The following ERICH3 variants were observed in gnomAD, a reference collection of about 807,000 sequenced individuals.
ERICH3 encodes glutamate-rich protein 3.
Under a neutral mutation model 131.1 loss-of-function variants are expected in ERICH3, and 126 were observed. The ratio of observed to expected loss-of-function variants is 0.96; its 90% CI spans 0.83 to 1.11. The LOEUF (loss-of-function observed/expected upper bound fraction) is 1.11. ERICH3 is among the 50% of genes most tolerant of loss of function. The probability of loss-of-function intolerance (pLI) is 0.00; values close to 1 mark genes in which losing one functional copy is unlikely to be tolerated. For missense variants in ERICH3, 2,050 were observed against 1,810.7 expected (o/e 1.13, Z -2.40); for synonymous variants, 695 against 644.6 (o/e 1.08, Z -1.18).
At chr1:74,634,777 A>C (rs950021196) in intron 6 of ERICH3, 2 of 652,726 alleles carry the variant, frequency 3.1e-6, no homozygotes, top group African/African-American at 3.7e-5. Flanking sequence ...TGGAGGATAC[A>C]GAGGATTTTA....
chr1:74,606,549 GACAA>G, intron 10 of ERICH3, 48 bp downstream of exon 10: 1 of 1,515,266 alleles, frequency 6.6e-7, no homozygotes, highest in Non-Finnish European at 8.9e-7. Context: ...ACATTTCAAA[GACAA>G]ACGAAACAGC....
chr1:74,633,895 C>A (rs183502937), intron 6 of ERICH3, among the ~76,000 whole-genome samples: 6 of 152,106 alleles, frequency 3.9e-5, no homozygotes, highest in Admixed American at 2.6e-4. Context: ...AACTCTCATT[C>A]TAACATCATT....
chr1:74,623,646 G>C (rs756028479), intron 7 of ERICH3: 1 of 152,046 alleles, frequency 6.6e-6, no homozygotes, highest in Non-Finnish European at 1.5e-5. Context: ...CTACGAATTA[G>C]TCTCCCCACT....
chr1:74,589,658 C>G lies in ERICH3; in HGVS notation c.2149G>C (p.Ala717Pro). The G allele has an allele frequency of 6.2e-7, 1 of 1,613,998 alleles. No individual in the cohort carries two copies. The highest frequency in any genetic ancestry group is 8.5e-7 in the Non-Finnish European group (1 of 1,179,932). ...ESTAQVKDKK[A>P]GLPGLEEGGK... is the part of the protein sequence containing the mutation. Reference sequence around the variant, plus strand: ...CCTTCCTCCAACCCAGGGAGACCTGCCTTTTTGTCCTTCACCTGAGCAGTG... The same window carrying G: ...CCTTCCTCCAACCCAGGGAGACCTGGCTTTTTGTCCTTCACCTGAGCAGTG... Residue 717 changes from alanine to proline, a missense_variant, in exon 12 of 15, where the codon GCA becomes CCA. Physicochemically the swap from Ala to Pro is conservative, Grantham distance 27. Transcript: ENST00000326665.
At chr1:74,671,720 A>G (rs1646745458) in intron 1 of ERICH3, among the ~76,000 whole-genome samples, 1 of 152,218 alleles carries the variant, frequency 6.6e-6, no homozygotes, top group African/African-American at 2.4e-5. Context: ...GGCACATCGT[A>G]TGCACATAAT....
chr1:74,613,301 A>C (rs1648792028), intron 8 of ERICH3, among the ~76,000 whole-genome samples: 1 of 152,292 alleles, frequency 6.6e-6, no homozygotes. Flanking sequence ...ATTATGCCTT[A>C]TTATCTTGTT....
chr1:74,606,390 C>T (rs1034776535), intron 10 of ERICH3, among the ~76,000 whole-genome samples: 3 of 151,968 alleles, frequency 2.0e-5, no homozygotes, highest in East Asian at 1.9e-4. Context: ...CAGCCAGAAC[C>T]TTTAACCTTT....
At chr1:74,662,087 C>T (rs143464242) in intron 1 of ERICH3, among the ~76,000 whole-genome samples, 2 of 152,284 alleles carry the variant, frequency 1.3e-5, no homozygotes, top group South Asian at 4.1e-4. Flanking sequence ...CTTTTAATCA[C>T]CCTGCCTGAG....
chr1:74,672,226 C>A, intron 1 of ERICH3, among the ~76,000 whole-genome samples: 1 of 152,198 alleles, frequency 6.6e-6, no homozygotes, highest in East Asian at 1.9e-4. Context: ...CTGCAAACAT[C>A]AGCTGCTGAA....
chr1:74,606,484 A>C, intron 10 of ERICH3, 117 bp downstream of exon 10: 1 of 1,076,614 alleles, frequency 9.3e-7, no homozygotes, highest in South Asian at 1.6e-5. Context: ...GGGGCACCCC[A>C]CATGTAACAC....
chr1:74,601,868 C>T (rs922047592), intron 10 of ERICH3, among the ~76,000 whole-genome samples: 3 of 151,878 alleles, frequency 2.0e-5, no homozygotes, highest in Admixed American at 6.6e-5. Context: ...GTTTCTCCAT[C>T]TGTAACATGG....
At chr1:74,603,529 T>C (rs1267497156) in intron 10 of ERICH3, among the ~76,000 whole-genome samples, 3 of 151,864 alleles carry the variant, frequency 2.0e-5, no homozygotes, top group Non-Finnish European at 4.4e-5. Context: ...TATACAGGCA[T>C]ACCTATATAC....
Position 74,620,748 on chromosome 1 carries a change from T to G in ERICH3, c.986A>C (p.Lys329Thr), listed in dbSNP as rs765935894. 4 of 1,604,234 alleles carry G rather than the reference T, an allele frequency of 2.5e-6. No individual in the cohort carries two copies. In the South Asian group the frequency reaches 4.5e-5, roughly 18 times the overall value. The change falls in exon 8 of 15, where the codon AAA becomes ACA. Residue 329 changes from lysine to threonine, a missense_variant. Transcript: ENST00000326665. ...TTTATGTGTACCTTTTTCAAGTAGT[T>G]TGCCTTTGTAGACACAAAGGTTTTC... ...GGENLCVYKG[K>T]LLEKETFQFI...
chr1:74,609,615 T>C (rs1648589652), intron 9 of ERICH3, among the ~76,000 whole-genome samples: 1 of 152,016 alleles, frequency 6.6e-6, no homozygotes, highest in African/African-American at 2.4e-5. Context: ...CCTAACCCTG[T>C]ACCATTTAAA....
chr1:74,666,211 T>C (rs948528712), intron 1 of ERICH3, among the ~76,000 whole-genome samples: 11 of 152,084 alleles, frequency 7.2e-5, no homozygotes, highest in Admixed American at 2.6e-4. Flanking sequence ...CACAGTAACC[T>C]GCTCATCGAC....
intron 1 of ERICH3, among the ~76,000 whole-genome samples, chr1:74,657,922 T>C (rs754328719): frequency 6.6e-6 from 1 of 152,134 alleles, no homozygotes; most frequent in South Asian, 2.1e-4. Flanking sequence ...AGGGAGATAA[T>C]GAGGCTGTTC....
At chr1:74,614,639 T>C (rs898214867) in intron 8 of ERICH3, among the ~76,000 whole-genome samples, 2 of 149,308 alleles carry the variant, frequency 1.3e-5, no homozygotes, top group African/African-American at 2.5e-5. Flanking sequence ...ATCACGCCAC[T>C]GAACTCCAGC....
At position 74,571,306 on chromosome 1, in the gene ERICH3, T is replaced by C. The variant is rs1480847290; in HGVS notation, c.4404A>G (p.Thr1468=). 3 of 1,613,972 alleles carry C rather than the reference T, an allele frequency of 1.9e-6. No homozygotes were observed. Among genetic ancestry groups the C allele is most frequent in the Non-Finnish European group, 2.5e-6 (3 of 1,180,012 alleles). The change falls in exon 14 of 15, where the codon ACA becomes ACG. Residue 1468 remains threonine (T), a synonymous_variant. Coordinates refer to ENST00000326665, the MANE Select transcript of ERICH3 (RefSeq NM_001002912.5). The part of the protein sequence containing the change: ...ATGSGDGRQE[T]GAAEKFRLGL... ...CTAATCGGAATTTTTCAGCTGCTCCTGTCTCCTGCCTCCCATCGCCACTCC... is the reference window on the plus strand; with the variant it reads ...CTAATCGGAATTTTTCAGCTGCTCCCGTCTCCTGCCTCCCATCGCCACTCC...
chr1:74,585,784 T>A (rs973467787), intron 12 of ERICH3, among the ~76,000 whole-genome samples: 1 of 152,136 alleles, frequency 6.6e-6, no homozygotes, highest in African/African-American at 2.4e-5. Context: ...TGATTTTATG[T>A]GGAATTTTCT....
Sources: gnomAD v4.1 joint callset for allele counts (sites outside exome capture counted in the v4.1 genomes callset) on GRCh38, gnomAD v4.1.1 for gene constraint, MANE v1.5 for transcripts, NCBI Gene and HGNC (gene_info 2026-07-23, HGNC 2026-07-21) for gene names.